The following TMEM135 variants were observed in gnomAD, a reference collection of about 807,000 sequenced individuals.
TMEM135 encodes the protein peroxisomal membrane protein 52.
Under a neutral mutation model 60.3 loss-of-function variants are expected in TMEM135, and 30 were observed. The ratio of observed to expected loss-of-function variants is 0.50; its 90% CI spans 0.37 to 0.68. The LOEUF (loss-of-function observed/expected upper bound fraction) is 0.68. Ranked by LOEUF, TMEM135 falls within the 30% of genes least tolerant of loss-of-function variation. The pLI, the probability that TMEM135 is intolerant of heterozygous loss-of-function variation, is 0.00. For synonymous variants in TMEM135, 190 were observed against 186.7 expected, an observed-to-expected ratio of 1.02 and a Z score of -0.14; for missense variants, 468 against 548.8, an observed-to-expected ratio of 0.85 and a Z score of 1.47.
intron 4 of TMEM135, among the ~76,000 whole-genome samples, chr11:87,120,847 A>G (rs1858037910): frequency 6.6e-6 from 1 of 152,150 alleles, no homozygotes; most frequent in South Asian, 2.1e-4. Context: ...AAGAGTGAAA[A>G]TACATGATCT....
intron 4 of TMEM135, among the ~76,000 whole-genome samples, chr11:87,139,508 G>T (rs1938205095): frequency 6.6e-6 from 1 of 151,972 alleles, no homozygotes; most frequent in Non-Finnish European, 1.5e-5. Context: ...TAAAATTTTG[G>T]CTTTTCTATA....
At chr11:87,058,821 C>A in intron 1 of TMEM135, among the ~76,000 whole-genome samples, 1 of 151,886 alleles carries the variant, frequency 6.6e-6, no homozygotes, top group South Asian at 2.1e-4. Flanking sequence ...GGGGTTTCAT[C>A]ATGTTAGCCA....
At chr11:87,201,667 G>A (rs1297358121) in intron 5 of TMEM135, among the ~76,000 whole-genome samples, 1 of 152,166 alleles carries the variant, frequency 6.6e-6, no homozygotes, top group Non-Finnish European at 1.5e-5. Flanking sequence ...CCTGCTTTGT[G>A]AAATGTGAGG....
At chr11:87,259,111 G>A in intron 6 of TMEM135, 1 of 865,164 alleles carries the variant, frequency 1.2e-6, no homozygotes, top group African/African-American at 1.7e-5. Context: ...ACCCTCTTCG[G>A]AAACATCTCC....
chr11:87,072,163 C>A (rs767496728), intron 3 of TMEM135, among the ~76,000 whole-genome samples: 2 of 152,190 alleles, frequency 1.3e-5, no homozygotes, highest in Non-Finnish European at 2.9e-5. Flanking sequence ...CACCACACTT[C>A]AGTCTGGGCA....
intron 4 of TMEM135, among the ~76,000 whole-genome samples, chr11:87,129,707 A>G (rs541408391): frequency 1.8e-4 from 28 of 151,354 alleles, no homozygotes; most frequent in Non-Finnish European, 3.2e-4. Context: ...CACCTGGCTA[A>G]TTTTTGTATT....
chr11:87,136,313 A>G (rs989595603), intron 4 of TMEM135, among the ~76,000 whole-genome samples: 1 of 152,008 alleles, frequency 6.6e-6, no homozygotes, highest in Non-Finnish European at 1.5e-5. Context: ...TAATATAGTG[A>G]ATTACATTGC....
At chr11:87,256,757 A>G (rs1452957048) in intron 6 of TMEM135, among the ~76,000 whole-genome samples, 2 of 152,174 alleles carry the variant, frequency 1.3e-5, no homozygotes, top group African/African-American at 4.8e-5. Flanking sequence ...CTTCTTTCAA[A>G]GACAAGTAAC....
chr11:87,289,630 T>A (rs1045577008), intron 6 of TMEM135, among the ~76,000 whole-genome samples: 2 of 151,944 alleles, frequency 1.3e-5, no homozygotes, highest in African/African-American at 4.8e-5. Context: ...CTAATTTTTT[T>A]ATTTTTGTTA....
chr11:87,039,900 G>T (rs1949736045), intron 1 of TMEM135, among the ~76,000 whole-genome samples: 1 of 152,208 alleles, frequency 6.6e-6, no homozygotes, highest in Non-Finnish European at 1.5e-5. Context: ...TATAGTCTAT[G>T]ATAGGGACAT....
At chr11:87,104,192 C>T (rs1233476970) in intron 4 of TMEM135, among the ~76,000 whole-genome samples, 1 of 152,090 alleles carries the variant, frequency 6.6e-6, no homozygotes, top group Non-Finnish European at 1.5e-5. Flanking sequence ...GAGACTTGTT[C>T]TTTTCCTGTT....
intron 4 of TMEM135, chr11:87,096,224 G>T: frequency 1.0e-5 from 3 of 288,920 alleles, no homozygotes; most frequent in South Asian, 8.2e-5. Context: ...CGTCCTTATT[G>T]ATGTCTGCAG....
chr11:87,184,576 A>T (rs1303082420), intron 5 of TMEM135, among the ~76,000 whole-genome samples: 1 of 152,194 alleles, frequency 6.6e-6, no homozygotes, highest in Non-Finnish European at 1.5e-5. Context: ...GAAACTATAG[A>T]TATGACAAAT....
At chr11:87,201,049 T>C (rs1940083040) in intron 5 of TMEM135, among the ~76,000 whole-genome samples, 1 of 152,196 alleles carries the variant, frequency 6.6e-6, no homozygotes. Flanking sequence ...TTATATATGT[T>C]AGCACTCTTT....
At chr11:87,236,784 T>C in intron 6 of TMEM135, 100 bp downstream of exon 6, 1 of 1,209,458 alleles carries the variant, frequency 8.3e-7, no homozygotes, top group Non-Finnish European at 1.2e-6. Flanking sequence ...AATTATCCCT[T>C]ACAAGCAGCA....
chr11:87,185,015 C>T (rs1939614910), intron 5 of TMEM135, among the ~76,000 whole-genome samples: 1 of 152,112 alleles, frequency 6.6e-6, no homozygotes, highest in African/African-American at 2.4e-5. Flanking sequence ...AGCCATCATC[C>T]AGTTTTAATA....
chr11:87,319,816 C>T (rs775656949), intron 14 of TMEM135, among the ~76,000 whole-genome samples: 13 of 152,128 alleles, frequency 8.5e-5, no homozygotes, highest in Non-Finnish European at 1.9e-4. Context: ...TGTTTTCTCC[C>T]CTGATCTTAA....
chr11:87,158,797 C>T (rs1398148200), intron 5 of TMEM135, among the ~76,000 whole-genome samples: 4 of 152,102 alleles, frequency 2.6e-5, no homozygotes, highest in Admixed American at 6.6e-5. Context: ...TATATTTTGT[C>T]TATACAGAAA....
At chr11:87,054,640 G>A (rs1035115757) in intron 1 of TMEM135, among the ~76,000 whole-genome samples, 9 of 152,002 alleles carry the variant, frequency 5.9e-5, no homozygotes, top group Non-Finnish European at 1.3e-4. Flanking sequence ...GGTTGCTTTG[G>A]TTTCTTGATT....
Sources: gnomAD v4.1 joint callset for allele counts (sites outside exome capture counted in the v4.1 genomes callset) on GRCh38, gnomAD v4.1.1 for gene constraint, MANE v1.5 for transcripts, NCBI Gene and HGNC (gene_info 2026-07-23, HGNC 2026-07-21) for gene names.